Variants in EXOC6B observed in about 807,000 individuals in gnomAD.
EXOC6B encodes the protein exocyst complex component 6B.
EXOC6B carries 54 observed loss-of-function variants against 113.5 expected under a neutral mutation model. That is an observed-to-expected ratio of 0.48 (90% CI 0.38 to 0.60). The LOEUF (loss-of-function observed/expected upper bound fraction) is 0.60. EXOC6B is among the 20% of genes least tolerant of loss of function. EXOC6B has a pLI of 0.00. For missense variants in EXOC6B, 797 were observed against 977.5 expected (o/e 0.82, Z 2.46); for synonymous variants, 357 against 339.0 (o/e 1.05, Z -0.58).
chr2:72,275,130 G>T (rs545823173), intron 20 of EXOC6B, among the ~76,000 whole-genome samples: 1 of 152,008 alleles, frequency 6.6e-6, no homozygotes, highest in Non-Finnish European at 1.5e-5. Context: ...ATTCAATTTC[G>T]TCGATTATGT....
intron 1 of EXOC6B, among the ~76,000 whole-genome samples, chr2:72,808,412 G>A (rs1189038730): frequency 1.3e-5 from 2 of 152,116 alleles, no homozygotes; most frequent in Admixed American, 6.6e-5. Flanking sequence ...TATAAATAAT[G>A]TAGCATCTAG....
intron 17 of EXOC6B, among the ~76,000 whole-genome samples, chr2:72,472,306 G>A (rs1438052937): frequency 6.6e-6 from 1 of 152,028 alleles, no homozygotes; most frequent in Non-Finnish European, 1.5e-5. Context: ...TTATATGTTT[G>A]GTGGAATTTG....
chr2:72,192,441 A>G (rs758542000), intron 20 of EXOC6B, among the ~76,000 whole-genome samples: 10 of 152,184 alleles, frequency 6.6e-5, no homozygotes, highest in Non-Finnish European at 5.9e-5. Context: ...TACCTATGAC[A>G]GGTGAGTGGG....
intron 19 of EXOC6B, among the ~76,000 whole-genome samples, chr2:72,353,845 A>G (rs1333079091): frequency 1.3e-5 from 2 of 152,220 alleles, no homozygotes; most frequent in East Asian, 3.8e-4. Flanking sequence ...TAATAACCAC[A>G]ACATAGTTTT....
intron 17 of EXOC6B, among the ~76,000 whole-genome samples, chr2:72,465,670 A>G (rs1219298131): frequency 6.6e-6 from 1 of 152,204 alleles, no homozygotes; most frequent in African/African-American, 2.4e-5. Context: ...TCTTACAAAA[A>G]TATTTTCAGG....
At chr2:72,186,509 G>A (rs368906864) in intron 20 of EXOC6B, among the ~76,000 whole-genome samples, 45 of 149,104 alleles carry the variant, frequency 3.0e-4, no homozygotes, top group South Asian at 1.3e-3. Context: ...AAAGGATAGC[G>A]TTTTTTCAAT....
chr2:72,219,800 C>T (rs1680758392), intron 20 of EXOC6B, among the ~76,000 whole-genome samples: 1 of 152,144 alleles, frequency 6.6e-6, no homozygotes, highest in African/African-American at 2.4e-5. Flanking sequence ...CAGTTTGCCT[C>T]ATTTTATTTT....
chr2:72,382,358 T>C (rs956233631), intron 18 of EXOC6B, among the ~76,000 whole-genome samples: 1 of 152,172 alleles, frequency 6.6e-6, no homozygotes, highest in African/African-American at 2.4e-5. Flanking sequence ...GTGGAATTAT[T>C]TCTGGGCTCT....
rs1670023161 is a variant in EXOC6B at position 72,595,460 on chromosome 2, T to G, written c.670-19792A>C. Among the ~76,000 whole-genome samples, 4 of 150,994 alleles carry G rather than the reference T, an allele frequency of 2.6e-5. 1 individual carries two copies. The South Asian group carries it at 8.3e-4, about 31-fold the overall frequency. On this transcript the variant is annotated intron_variant, in intron 6 of 21. Coordinates refer to ENST00000272427, the MANE Select transcript of EXOC6B (RefSeq NM_015189.3). Reference sequence around the variant, plus strand: ...GTAGTAAAAGAAAAAACAAAAACTTTTCTATAATATCAAGAAGTTAAGAAA... The same window carrying G: ...GTAGTAAAAGAAAAAACAAAAACTTGTCTATAATATCAAGAAGTTAAGAAA...
At chr2:72,666,166 T>A (rs1026584772) in intron 6 of EXOC6B, among the ~76,000 whole-genome samples, 4 of 152,122 alleles carry the variant, frequency 2.6e-5, no homozygotes, top group African/African-American at 9.7e-5. Flanking sequence ...CACTCCACAA[T>A]GAAGCAGCCA....
chr2:72,793,903 A>G (rs1466114711), intron 1 of EXOC6B, among the ~76,000 whole-genome samples: 1 of 152,182 alleles, frequency 6.6e-6, no homozygotes. Flanking sequence ...GTATGTAGAG[A>G]CATATTAATA....
intron 6 of EXOC6B, among the ~76,000 whole-genome samples, chr2:72,592,455 G>T (rs978775537): frequency 6.6e-6 from 1 of 152,116 alleles, no homozygotes; most frequent in Non-Finnish European, 1.5e-5. Context: ...ACTGTCCCTT[G>T]CAGGAACCCA....
At chr2:72,381,132 T>C (rs1208675429) in intron 18 of EXOC6B, among the ~76,000 whole-genome samples, 1 of 152,214 alleles carries the variant, frequency 6.6e-6, no homozygotes, top group African/African-American at 2.4e-5. Context: ...AAAAGTACTA[T>C]TATGACAAGT....
chr2:72,266,800 T>C (rs1684125324), intron 20 of EXOC6B, among the ~76,000 whole-genome samples: 1 of 152,126 alleles, frequency 6.6e-6, no homozygotes, highest in Non-Finnish European at 1.5e-5. Context: ...AAGAAAGTCA[T>C]TGGTAGCTTG....
At chr2:72,504,617 T>C (rs566112214) in intron 11 of EXOC6B, among the ~76,000 whole-genome samples, 50 of 152,218 alleles carry the variant, frequency 3.3e-4, no homozygotes, top group Non-Finnish European at 5.4e-4. Context: ...CTTGCATGTT[T>C]ATTATGGTGT....
chr2:72,429,542 C>T (rs1482487294), intron 18 of EXOC6B, among the ~76,000 whole-genome samples: 1 of 152,158 alleles, frequency 6.6e-6, no homozygotes, highest in Non-Finnish European at 1.5e-5. Context: ...GCTTTCACAA[C>T]CATTATTTTA....
intron 8 of EXOC6B, among the ~76,000 whole-genome samples, chr2:72,532,052 G>A (rs372563367): frequency 3.6e-4 from 54 of 152,082 alleles, no homozygotes; most frequent in Admixed American, 6.5e-4. Context: ...GCTCCAAAGC[G>A]GAAACAGCCC....
intron 20 of EXOC6B, among the ~76,000 whole-genome samples, chr2:72,284,685 G>C (rs11902051): frequency 0.2 from 30,143 of 151,710 alleles, 5,086 homozygotes; most frequent in African/African-American, 0.46. Flanking sequence ...AAAGAAAACT[G>C]TCTTTTTTTC....
intron 20 of EXOC6B, among the ~76,000 whole-genome samples, chr2:72,332,309 T>C (rs558067181): frequency 1.3e-5 from 2 of 152,196 alleles, no homozygotes; most frequent in African/African-American, 4.8e-5. Context: ...GAAAAAAATC[T>C]GTGTTCTTAA....
Sources: allele counts gnomAD v4.1 joint callset (sites outside exome capture counted in the v4.1 genomes callset), GRCh38; gene constraint gnomAD v4.1.1; transcripts MANE v1.5; gene names NCBI Gene and HGNC (gene_info 2026-07-23, HGNC 2026-07-21).